The following LRCH3 variants were observed in gnomAD, a reference collection of about 807,000 sequenced individuals.
The protein encoded by LRCH3 is DISP complex protein LRCH3.
LRCH3 carries 68 observed loss-of-function variants against 104.5 expected under a neutral mutation model. The ratio of observed to expected loss-of-function variants is 0.65; its 90% CI spans 0.54 to 0.80. The LOEUF is 0.80. LRCH3 is among the 30% of genes least tolerant of loss of function. LRCH3 has a pLI of 0.00. For synonymous variants in LRCH3, 344 were observed against 361.3 expected (o/e 0.95, Z 0.54); for missense variants, 951 against 953.9 (o/e 1.00, Z 0.04).
intron 10 of LRCH3, among the ~76,000 whole-genome samples, chr3:197,845,358 C>T (rs1483655457): frequency 2.1e-5 from 3 of 146,200 alleles, no homozygotes; most frequent in Non-Finnish European, 4.5e-5. Flanking sequence ...CAGCTGAGAT[C>T]GCACCACTGC....
At chr3:197,865,289 A>T in intron 15 of LRCH3, 134 bp from the exon 16 acceptor site, 1 of 580,260 alleles carries the variant, frequency 1.7e-6, no homozygotes, top group Non-Finnish European at 3.0e-6. Context: ...CACCTGACCC[A>T]AATTCTCACC....
chr3:197,827,139 A>G (rs1015210253), intron 5 of LRCH3, 125 bp downstream of exon 5: 102 of 1,459,378 alleles, frequency 7.0e-5, no homozygotes, highest in Non-Finnish European at 9.1e-5. Flanking sequence ...GGTAAACCAC[A>G]GTGGAAGCAT....
chr3:197,823,661 T>A (rs777385372), intron 4 of LRCH3, among the ~76,000 whole-genome samples: 49 of 151,878 alleles, frequency 3.2e-4, no homozygotes, highest in Non-Finnish European at 6.0e-4. Flanking sequence ...GAAAATTTTG[T>A]ATTGTTTTGT....
At chr3:197,879,982 G>T (rs1335441342) in intron 20 of LRCH3, among the ~76,000 whole-genome samples, 3 of 146,452 alleles carry the variant, frequency 2.0e-5, no homozygotes, top group African/African-American at 2.6e-5. Flanking sequence ...GTCTCGCTCT[G>T]TCACCCAGGC....
Position 197,832,261 on chromosome 3 carries a change from G to A in LRCH3, c.1046G>A (p.Arg349Gln), listed in dbSNP as rs754369527. The A allele has an allele frequency of 4.3e-6, 7 of 1,613,704 alleles. No homozygotes were observed. The highest frequency in any genetic ancestry group is 2.2e-5 in the East Asian group (1 of 44,888). Residue 349 changes from arginine to glutamine, a missense_variant, in exon 8 of 21, where the codon CGA (arginine) becomes CAA (glutamine). Arg to Gln is a conservative substitution (Grantham distance 43). Transcript: ENST00000425562. ...VAEITKEQRL[R>Q]RESQYQENRG... Reference sequence around the variant, plus strand: ...GAGATTACTAAAGAACAAAGACTACGAAGAGAAAGCCAGTACCAAGAGAAC... The same window carrying A: ...GAGATTACTAAAGAACAAAGACTACAAAGAGAAAGCCAGTACCAAGAGAAC...
intron 15 of LRCH3, 21 bp from the exon 16 acceptor site, chr3:197,865,402 T>C: frequency 6.7e-7 from 1 of 1,494,894 alleles, no homozygotes; most frequent in South Asian, 1.2e-5. Context: ...CAATTATTGA[T>C]ATATGTCTGT....
chr3:197,832,914 A>G (rs1262300739), intron 8 of LRCH3, among the ~76,000 whole-genome samples: 2 of 152,106 alleles, frequency 1.3e-5, no homozygotes, highest in Admixed American at 6.5e-5. Flanking sequence ...GTTTAATTTC[A>G]TATTTAAATT....
chr3:197,866,825 AAAACAAAC>A (rs144787772), intron 17 of LRCH3, among the ~76,000 whole-genome samples: 16,775 of 151,890 alleles, frequency 0.11, 966 homozygotes, highest in African/African-American at 0.14. Flanking sequence ...TCTGTCTCTT[AAAACAAAC>A]AAACAAACAA....
chr3:197,830,476 C>T (rs1735785966), intron 6 of LRCH3, among the ~76,000 whole-genome samples: 1 of 152,180 alleles, frequency 6.6e-6, no homozygotes, highest in Non-Finnish European at 1.5e-5. Context: ...TCTCTTGAAC[C>T]TCTCAAATTT....
rs138892467 is a variant in LRCH3, at chr3:197,866,128, A to C, written c.1782A>C (p.Ala594=). 12 of 1,613,244 alleles carry C rather than the reference A, an allele frequency of 7.4e-6. No homozygotes were observed. The highest frequency in any genetic ancestry group is 9.3e-6 in the Non-Finnish European group (11 of 1,179,274). Residue 594 remains alanine, a synonymous_variant, in exon 17 of 21, where the codon GCA becomes GCC. Transcript: ENST00000425562. ...PATETVHHSP[A]YSFPAAIQRN... ...CTAATTTAGTTCATCATTCCCCTGCATATTCTTTTCCTGCTGCTATCCAGA... is the reference window on the plus strand; with the variant it reads ...CTAATTTAGTTCATCATTCCCCTGCCTATTCTTTTCCTGCTGCTATCCAGA...
chr3:197,827,023 TAG>T lies in LRCH3; in HGVS notation c.777+10_777+11del. On this transcript the variant is annotated intron_variant, in intron 5 of 20. Transcript: ENST00000425562. ...AATCACCTCCTGCACAGGTAAACCA[TAG>T]TGGAAGCATCAGGTAAACCATGGTG... is the stretch of plus-strand genomic sequence containing the variant. The T allele has an allele frequency of 1.2e-6, 2 of 1,612,070 alleles. No homozygotes were observed. The highest frequency in any genetic ancestry group is 1.7e-6 in the Non-Finnish European group (2 of 1,179,296).
chr3:197,862,826 C>T (rs1054096478), intron 15 of LRCH3, among the ~76,000 whole-genome samples: 5 of 152,116 alleles, frequency 3.3e-5, no homozygotes, highest in South Asian at 2.1e-4. Context: ...ACCCGATGAA[C>T]GTGTCTTTTC....
At chr3:197,815,202 A>G (rs753939482) in intron 2 of LRCH3, 150 bp downstream of exon 2, 13 of 481,454 alleles carry the variant, frequency 2.7e-5, no homozygotes, top group South Asian at 9.4e-5. Context: ...AGTATTTCCT[A>G]TGTCCCTCCA....
rs977859420 is a variant in LRCH3, at chr3:197,852,900, T to C, written c.1590+280T>C. Reference sequence around the variant, plus strand: ...CCCCGTCTCCTCCACTTTTGAAGCGTTGTGTGTAGAGTCCTGGGAGCTTTA... The same window carrying C: ...CCCCGTCTCCTCCACTTTTGAAGCGCTGTGTGTAGAGTCCTGGGAGCTTTA... On this transcript the variant is annotated intron_variant, in intron 13 of 20. Transcript: ENST00000425562. Among the ~76,000 whole-genome samples the C allele has an allele frequency of 1.2e-4, 19 of 152,142 alleles. No homozygotes were observed. In the East Asian group the frequency reaches 3.5e-3, roughly 28 times the overall value.
At chr3:197,792,608 A>AC (rs2109078586) in intron 1 of LRCH3, among the ~76,000 whole-genome samples, 1 of 53,374 alleles carries the variant, frequency 1.9e-5, no homozygotes, top group South Asian at 7.4e-4. Flanking sequence ...TATATATAAA[A>AC]TATACATATA....
rs1392026658 is a variant in LRCH3, at chr3:197,888,272, GAA to G, written c.*4608_*4609del. 6 of 152,328 alleles carry G rather than the reference GAA, an allele frequency of 3.9e-5. No individual in the cohort carries two copies. The South Asian group carries it at 1.0e-3, about 26-fold the overall frequency. The allele number at this position is 152,328 out of a possible 1,614,324, so 9.4% of individuals were successfully genotyped here. A position where few individuals can be genotyped will look rare whatever the true frequency, so the allele number is the denominator to read the frequency against. On this transcript the variant is annotated 3_prime_UTR_variant, in exon 21 of 21. Coordinates refer to ENST00000425562, the MANE Select transcript of LRCH3 (RefSeq NM_001365715.1). The stretch of plus-strand genomic sequence containing the variant: ...AAAATGTTGTAAACATGTAATTAGT[GAA>G]AGATTTTGTAAAACATTGTCCTGTA...
At chr3:197,800,440 C>G (rs1731750783) in intron 1 of LRCH3, among the ~76,000 whole-genome samples, 1 of 152,136 alleles carries the variant, frequency 6.6e-6, no homozygotes, top group Admixed American at 6.6e-5. Flanking sequence ...GGTGCTGAAC[C>G]TCATCAGTAA....
At chr3:197,832,990 G>A (rs1736164534) in intron 8 of LRCH3, among the ~76,000 whole-genome samples, 1 of 152,038 alleles carries the variant, frequency 6.6e-6, no homozygotes, top group Non-Finnish European at 1.5e-5. Flanking sequence ...TCCGAGGAGA[G>A]CTTTCATTTC....
chr3:197,828,833 G>A (rs1226591891), intron 5 of LRCH3, among the ~76,000 whole-genome samples: 6 of 144,892 alleles, frequency 4.1e-5, no homozygotes, highest in African/African-American at 7.7e-5. Flanking sequence ...TCAGCCTCCC[G>A]AGTAGCTGGG....
Sources: allele counts gnomAD v4.1 joint callset (sites outside exome capture counted in the v4.1 genomes callset), GRCh38; gene constraint gnomAD v4.1.1; transcripts MANE v1.5; gene names NCBI Gene and HGNC (gene_info 2026-07-23, HGNC 2026-07-21).